The following DDX21 variants were observed in gnomAD, a reference collection of about 807,000 sequenced individuals.
DDX21 encodes the protein nucleolar RNA helicase 2.
Under a neutral mutation model 90.0 loss-of-function variants are expected in DDX21, and 18 were observed. The observed-to-expected ratio is 0.20, with a 90% CI of 0.14 to 0.30. The LOEUF (loss-of-function observed/expected upper bound fraction) is 0.30. Among genes scored for constraint, DDX21 ranks in the 10% least tolerant of loss-of-function variants. DDX21 has a pLI of 1.00. For missense variants in DDX21, 673 were observed against 944.5 expected (o/e 0.71, Z 3.77); for synonymous variants, 294 against 318.0 (o/e 0.92, Z 0.80).
At chr10:68,976,637 G>GT (rs977869183) in intron 11 of DDX21, among the ~76,000 whole-genome samples, 3 of 152,070 alleles carry the variant, frequency 2.0e-5, no homozygotes, top group Non-Finnish European at 4.4e-5. Context: ...AGCATGGCAT[G>GT]TTTTTTTAAG....
chr10:68,971,681 A>G (rs566612660), intron 8 of DDX21, among the ~76,000 whole-genome samples: 4 of 152,332 alleles, frequency 2.6e-5, no homozygotes, highest in African/African-American at 7.2e-5. Flanking sequence ...CTCAACTTCA[A>G]TAAGTAAAGT....
Position 68,962,092 on chromosome 10 carries a change from T to G in DDX21, c.542T>G (p.Val181Gly). 6.2e-6 allele frequency: 10 copies of G among 1,611,934 alleles called. No homozygotes were observed. Among genetic ancestry groups the G allele is most frequent in the Non-Finnish European group, 8.5e-6 (10 of 1,178,572 alleles). ...CCCTTTACTTGATAGGAAATACCTG[T>G]GGAACAAAAAGAAGGCGCTTTCTCT... The part of the protein sequence containing the change: ...SNSEIEQEIP[V>G]EQKEGAFSNF... Residue 181 changes from valine to glycine, a missense_variant, in exon 3 of 15, where the codon GTG becomes GGG. This residue lies in a region of DDX21 where 204 missense variants were observed against 221.6 expected (regional missense o/e 0.92). Coordinates refer to ENST00000354185, the MANE Select transcript of DDX21 (RefSeq NM_004728.4).
chr10:68,966,987 A>C, intron 5 of DDX21, 31 bp from the exon 6 acceptor site: 1 of 1,596,472 alleles, frequency 6.3e-7, no homozygotes, highest in Non-Finnish European at 8.6e-7. Flanking sequence ...CTTACTAAAA[A>C]CCCAGCAAAT....
At chr10:68,959,225 C>T (rs1003341423) in intron 1 of DDX21, among the ~76,000 whole-genome samples, 5 of 152,060 alleles carry the variant, frequency 3.3e-5, no homozygotes, top group East Asian at 1.9e-4. Context: ...AGGCCAAGCA[C>T]GGTGGCTCAT....
At chr10:68,960,367 G>C (rs989212498) in intron 2 of DDX21, 118 bp downstream of exon 2, 35 of 1,051,920 alleles carry the variant, frequency 3.3e-5, no homozygotes, top group Non-Finnish European at 4.4e-5. Flanking sequence ...TCAGCACCTT[G>C]TGGGTTGGGG....
At chr10:68,962,637 A>G (rs1229682177) in intron 3 of DDX21, among the ~76,000 whole-genome samples, 2 of 152,222 alleles carry the variant, frequency 1.3e-5, no homozygotes, top group African/African-American at 4.8e-5. Context: ...TATTTAATAC[A>G]GTGTGTATTC....
chr10:68,974,520 T>G (rs760807050), intron 10 of DDX21, 150 bp from the exon 11 acceptor site: 89 of 627,978 alleles, frequency 1.4e-4, no homozygotes, highest in Admixed American at 4.4e-4. Context: ...CTGTACTGTC[T>G]TTGTAGCTTT....
chr10:68,969,959 T>C (rs7899523), intron 7 of DDX21, among the ~76,000 whole-genome samples: 1 of 152,208 alleles, frequency 6.6e-6, no homozygotes, highest in Admixed American at 6.5e-5. Context: ...AGAAGTTAGA[T>C]GCTCTTTAGA....
In DDX21 at chr10:68,973,534, T is replaced by G; in HGVS notation, c.1549-11T>G. The G allele has an allele frequency of 2.5e-6, 4 of 1,613,946 alleles. No homozygotes were observed. Among genetic ancestry groups the G allele is most frequent in the Non-Finnish European group, 3.4e-6 (4 of 1,179,878 alleles). On this transcript the variant is annotated splice_polypyrimidine_tract_variant and intron_variant, in intron 9 of 14. Transcript: ENST00000354185. ...TTGGTTTAGTGTTACTCATGTATTT[T>G]ACTTCAATAGGATGTAGAGTCCTAC...
intron 1 of DDX21, 168 bp downstream of exon 1, chr10:68,956,480 G>C: frequency 1.4e-6 from 2 of 1,450,856 alleles, no homozygotes; most frequent in Non-Finnish European, 1.8e-6. Flanking sequence ...TGCGCTCCCC[G>C]GGCAGTGGAC....
chr10:68,977,287 TGAACTTCTTGTTTTA>T (rs1843115348), intron 11 of DDX21, among the ~76,000 whole-genome samples: 1 of 152,234 alleles, frequency 6.6e-6, no homozygotes, highest in Admixed American at 6.5e-5. Flanking sequence ...AACACCGTGG[TGAACTTCTTGTTTTA>T]TTATTTCCTT....
intron 14 of DDX21, 123 bp from the exon 15 acceptor site, chr10:68,982,420 A>G (rs1007612822): frequency 7.4e-7 from 1 of 1,342,726 alleles, no homozygotes; most frequent in Non-Finnish European, 1.0e-6. Flanking sequence ...TTGACCAGTG[A>G]CTTGTTAAGC....
rs907002963 is a variant in DDX21, at chr10:68,958,529, C to T, written c.88-1277C>T. 5.3e-5 allele frequency among the ~76,000 whole-genome samples: 8 copies of T among 151,984 alleles called. No individual in the cohort carries two copies. The East Asian group carries it at 5.8e-4, about 11-fold the overall frequency. ...TCAGCTCACTGCAACCCCCGCCTCC[C>T]GGGTTCAAGCAGTTCTCCTGCCTCA... On this transcript the variant is annotated intron_variant, in intron 1 of 14. Coordinates refer to ENST00000354185, the MANE Select transcript of DDX21 (RefSeq NM_004728.4).
chr10:68,960,055 A>G lies in DDX21; in HGVS notation c.337A>G (p.Lys113Glu), dbSNP rs747472832. 3 of 1,604,880 alleles carry G rather than the reference A, an allele frequency of 1.9e-6. No individual in the cohort carries two copies. Among genetic ancestry groups the G allele is most frequent in the South Asian group, 2.3e-5 (2 of 87,730 alleles). The change falls in exon 2 of 15, where the codon AAA becomes GAA. Residue 113 changes from lysine (K) to glutamate (E), a missense_variant. This residue lies in a region of DDX21 where 204 missense variants were observed against 221.6 expected (regional missense o/e 0.92). Transcript: ENST00000354185. ...GAAAGTGGTTTCTTCTAAAACCAAA[A>G]AAGTGACAAAAAATGAGGAGCCTTC... The part of the protein sequence containing the change: ...EKKVVSSKTK[K>E]VTKNEEPSEE...
In DDX21 at chr10:68,973,430, C is replaced by T. The variant is rs1195734421; in HGVS notation, c.1549-115C>T. On this transcript the variant is annotated intron_variant, in intron 9 of 14. Transcript: ENST00000354185. ...ATTGAAGTGCTAAGGGACCTTCTCC[C>T]TCATGTCCCCAGGTTTATAACCACA... The T allele has an allele frequency of 2.3e-6, 3 of 1,315,784 alleles. No homozygotes were observed. The African/African-American group carries it at 4.4e-5, about 19-fold the overall frequency. The allele number at this position is 1,315,784 out of a possible 1,614,324, so 81.5% of individuals were successfully genotyped here.
chr10:68,962,834 C>A (rs1263918179), intron 3 of DDX21, among the ~76,000 whole-genome samples: 1 of 152,164 alleles, frequency 6.6e-6, no homozygotes, highest in African/African-American at 2.4e-5. Flanking sequence ...TAGGTGCTTC[C>A]TAAATCAGGA....
chr10:68,984,319 G>A lies in DDX21; in HGVS notation c.*1507G>A, dbSNP rs1484208035. ...TAACTGCCCCTTATTTGATCACCAT[G>A]TACTAGGAGCTCTGATAGCCAGCTC... is the stretch of plus-strand genomic sequence containing the variant. On this transcript the variant is annotated 3_prime_UTR_variant, in exon 15 of 15. Coordinates refer to ENST00000354185, the MANE Select transcript of DDX21 (RefSeq NM_004728.4). The A allele has an allele frequency of 6.6e-6, 1 of 152,234 alleles. No individual in the cohort carries two copies. The highest frequency in any genetic ancestry group is 1.5e-5 in the Non-Finnish European group (1 of 68,022). 9.4% of individuals were successfully genotyped at this position (152,234 alleles called of 1,614,324 possible).
At chr10:68,959,459 C>G (rs1842844190) in intron 1 of DDX21, among the ~76,000 whole-genome samples, 1 of 152,126 alleles carries the variant, frequency 6.6e-6, no homozygotes, top group Non-Finnish European at 1.5e-5. Context: ...TGCCACTTCA[C>G]TACAGCCTGG....
chr10:68,959,879 A>G lies in DDX21; in HGVS notation c.161A>G (p.Lys54Arg), dbSNP rs1316078935. The change falls in exon 2 of 15, where the codon AAA (lysine) becomes AGA (arginine). Residue 54 changes from lysine (K) to arginine (R), a missense_variant. By Grantham distance (26) the Lys-to-Arg change is conservative. Coordinates refer to ENST00000354185, the MANE Select transcript of DDX21 (RefSeq NM_004728.4). ...GAAGAGGAAGAAACTGTTTTCCCCA[A>G]AGCTAAACAAGTTAAAAAGAAAGCA... ...IAEEEETVFP[K>R]AKQVKKKAEP... 1 of 1,597,856 alleles carries G rather than the reference A, an allele frequency of 6.3e-7. No individual in the cohort carries two copies. Among genetic ancestry groups the G allele is most frequent in the Admixed American group, 1.8e-5 (1 of 55,732 alleles).
Sources: gnomAD v4.1 joint callset for allele counts (sites outside exome capture counted in the v4.1 genomes callset) on GRCh38, gnomAD v4.1.1 for gene constraint, gnomAD v4.1.1 regional missense constraint, MANE v1.5 for transcripts, NCBI Gene and HGNC (gene_info 2026-07-23, HGNC 2026-07-21) for gene names.